The following ADAMTS14 variants were observed in gnomAD, a reference collection of about 807,000 sequenced individuals.
ADAMTS14 encodes A disintegrin and metalloproteinase with thrombospondin motifs 14.
Under a neutral mutation model 128.6 loss-of-function variants are expected in ADAMTS14, and 100 were observed. The observed-to-expected ratio is 0.78, with a 90% CI of 0.66 to 0.92. The LOEUF (loss-of-function observed/expected upper bound fraction) is 0.92, where lower values mean the gene tolerates loss of function less well. Ranked by LOEUF, ADAMTS14 falls within the 40% of genes least tolerant of loss-of-function variation. The pLI, the probability that ADAMTS14 is intolerant of heterozygous loss-of-function variation, is 0.00. For missense variants in ADAMTS14, 1,562 were observed against 1,658.6 expected, an observed-to-expected ratio of 0.94 and a Z score of 1.01; for synonymous variants, 665 against 653.8, an observed-to-expected ratio of 1.02 and a Z score of -0.26.
intron 19 of ADAMTS14, among the ~76,000 whole-genome samples, chr10:70,756,895 A>G (rs1222974348): frequency 6.6e-6 from 1 of 152,176 alleles, no homozygotes; most frequent in African/African-American, 2.4e-5. Context: ...CCCTATTCAT[A>G]TAATCAACTT....
rs766123512 is a variant in ADAMTS14 at position 70,758,193 on chromosome 10, C to T, written c.3086C>T (p.Thr1029Met). ...CTCACAGGAAATCACCAGAACTCCACGGTGAGGGCCGATGTCTGGGAACTT... is the reference window on the plus strand; with the variant it reads ...CTCACAGGAAATCACCAGAACTCCATGGTGAGGGCCGATGTCTGGGAACTT... ...PACGGNHQNS[T>M]VRADVWELGT... Residue 1029 changes from threonine to methionine, a missense_variant, in exon 21 of 22, where the codon ACG becomes ATG. Coordinates refer to ENST00000373207, the MANE Select transcript of ADAMTS14 (RefSeq NM_080722.4). 9 of 1,614,158 alleles carry T rather than the reference C, an allele frequency of 5.6e-6. No individual in the cohort carries two copies. Among genetic ancestry groups the T allele is most frequent in the East Asian group, 4.5e-5 (2 of 44,886 alleles).
At chr10:70,673,336 C>T (rs1839540518) in intron 1 of ADAMTS14, among the ~76,000 whole-genome samples, 1 of 152,078 alleles carries the variant, frequency 6.6e-6, no homozygotes, top group Non-Finnish European at 1.5e-5. Context: ...TTGCCTCCTA[C>T]AGCAGAGCAT....
At chr10:70,756,332 C>T (rs1378153904) in intron 19 of ADAMTS14, among the ~76,000 whole-genome samples, 1 of 152,162 alleles carries the variant, frequency 6.6e-6, no homozygotes, top group Admixed American at 6.5e-5. Context: ...ACACACAACT[C>T]ATGCATTTTA....
chr10:70,682,950 G>T (rs1489236628), intron 2 of ADAMTS14, among the ~76,000 whole-genome samples: 1 of 152,246 alleles, frequency 6.6e-6, no homozygotes, highest in African/African-American at 2.4e-5. Context: ...CCGGACAACC[G>T]TCTGGGTGAG....
chr10:70,717,321 G>T (rs906213455), intron 4 of ADAMTS14, among the ~76,000 whole-genome samples: 10 of 152,250 alleles, frequency 6.6e-5, no homozygotes, highest in African/African-American at 2.4e-4. Flanking sequence ...TCATTGCTGA[G>T]CCTGCCCTGG....
intron 2 of ADAMTS14, among the ~76,000 whole-genome samples, chr10:70,682,155 G>A (rs1375841696): frequency 6.6e-6 from 1 of 152,186 alleles, no homozygotes; most frequent in Non-Finnish European, 1.5e-5. Context: ...TGGGCCCCTG[G>A]GTTGGAGGGG....
At chr10:70,675,049 A>G in intron 2 of ADAMTS14, 54 bp downstream of exon 2, 1 of 1,580,570 alleles carries the variant, frequency 6.3e-7, no homozygotes, top group South Asian at 1.1e-5. Context: ...TGCCCTGCTC[A>G]CATGGTTTTG....
At chr10:70,743,711 C>G (rs979964664) in intron 13 of ADAMTS14, 30 bp downstream of exon 13, 8 of 1,540,722 alleles carry the variant, frequency 5.2e-6, no homozygotes, top group Non-Finnish European at 7.0e-6. Flanking sequence ...CCCCGACTAC[C>G]GGCACAGGGA....
At chr10:70,693,098 G>A (rs1840236996) in intron 2 of ADAMTS14, among the ~76,000 whole-genome samples, 1 of 152,122 alleles carries the variant, frequency 6.6e-6, no homozygotes, top group African/African-American at 2.4e-5. Flanking sequence ...AAAGAGATGG[G>A]GGAGGTGCCA....
At chr10:70,696,265 A>C (rs941773123) in intron 2 of ADAMTS14, among the ~76,000 whole-genome samples, 1 of 151,950 alleles carries the variant, frequency 6.6e-6, no homozygotes, top group African/African-American at 2.4e-5. Context: ...TAGGGGGACC[A>C]CATCCAGCCA....
intron 12 of ADAMTS14, among the ~76,000 whole-genome samples, chr10:70,743,064 G>T (rs1842055321): frequency 6.6e-6 from 1 of 152,160 alleles, no homozygotes; most frequent in African/African-American, 2.4e-5. Context: ...CTTATCGTGT[G>T]GTTGTGTGGA....
Position 70,674,627 on chromosome 10 carries a change from T to G in ADAMTS14, c.154T>G (p.Phe52Val). 6.2e-7 allele frequency: 1 copy of G among 1,613,822 alleles called. No individual in the cohort carries two copies. Among genetic ancestry groups the G allele is most frequent in the Non-Finnish European group, 8.5e-7 (1 of 1,180,028 alleles). The stretch of plus-strand genomic sequence containing the variant: ...CTGCAGCACAGACTTTCGGGGACGC[T>G]TCCTCTCCCACGTGGTGTCTGGCCC... The part of the protein sequence containing the change: ...VPCSTDFRGR[F>V]LSHVVSGPAA... The change falls in exon 2 of 22, where the codon TTC becomes GTC. Residue 52 changes from phenylalanine to valine, a missense_variant. Coordinates refer to ENST00000373207, the MANE Select transcript of ADAMTS14 (RefSeq NM_080722.4).
chr10:70,704,910 C>A (rs909758381), intron 3 of ADAMTS14, among the ~76,000 whole-genome samples: 2 of 151,990 alleles, frequency 1.3e-5, no homozygotes, highest in Admixed American at 1.3e-4. Flanking sequence ...TTATACCCAC[C>A]CGCACTCACA....
At chr10:70,734,253 C>A (rs1465927763) in intron 8 of ADAMTS14, among the ~76,000 whole-genome samples, 1 of 152,148 alleles carries the variant, frequency 6.6e-6, no homozygotes, top group Non-Finnish European at 1.5e-5. Context: ...ACATAGAATT[C>A]TTATTAAAAA....
rs1265463840 is a variant in ADAMTS14, at chr10:70,735,100, C to T, written c.1353-69C>T. The T allele has an allele frequency of 2.6e-6, 4 of 1,556,762 alleles. No homozygotes were observed. In the Admixed American group the frequency reaches 7.2e-5, roughly 28 times the overall value. ...CAGGCCTTGCTCATGAAAACCCCAG[C>T]CCCTGGGAAGGGAAAGCCTGGGACT... On this transcript the variant is annotated intron_variant, in intron 8 of 21. Transcript: ENST00000373207.
At chr10:70,718,509 T>C (rs1315783343) in intron 4 of ADAMTS14, among the ~76,000 whole-genome samples, 2 of 152,068 alleles carry the variant, frequency 1.3e-5, no homozygotes, top group East Asian at 3.8e-4. Context: ...TGCCTCAGAC[T>C]CCTGAGTAGC....
chr10:70,693,547 A>AAG (rs1315378435), intron 2 of ADAMTS14, among the ~76,000 whole-genome samples: 1 of 152,184 alleles, frequency 6.6e-6, no homozygotes, highest in African/African-American at 2.4e-5. Flanking sequence ...GCAGCCCTAC[A>AAG]AGATGGTTGT....
Position 70,674,645 on chromosome 10 carries a change from T to C in ADAMTS14, c.172T>C (p.Ser58Pro). 2 of 1,613,696 alleles carry C rather than the reference T, an allele frequency of 1.2e-6. No homozygotes were observed. The highest frequency in any genetic ancestry group is 2.2e-5 in the East Asian group (1 of 44,882). Residue 58 changes from serine to proline, a missense_variant, in exon 2 of 22, where the codon TCT (serine) becomes CCT (proline). Coordinates refer to ENST00000373207, the MANE Select transcript of ADAMTS14 (RefSeq NM_080722.4). Reference sequence around the variant, plus strand: ...GGGACGCTTCCTCTCCCACGTGGTGTCTGGCCCAGCAGCAGCCTCTGCAGG... The same window carrying C: ...GGGACGCTTCCTCTCCCACGTGGTGCCTGGCCCAGCAGCAGCCTCTGCAGG... ...FRGRFLSHVV[S>P]GPAAASAGSM...
intron 2 of ADAMTS14, among the ~76,000 whole-genome samples, chr10:70,694,049 T>TC (rs1491550409): frequency 6.6e-6 from 1 of 152,232 alleles, no homozygotes. Flanking sequence ...GCTTTCAGAC[T>TC]TTTTTTGGCT....
Sources: allele counts gnomAD v4.1 joint callset (sites outside exome capture counted in the v4.1 genomes callset), GRCh38; gene constraint gnomAD v4.1.1; transcripts MANE v1.5; gene names NCBI Gene and HGNC (gene_info 2026-07-23, HGNC 2026-07-21).